The following HUNK variants were observed in gnomAD, a reference collection of about 807,000 sequenced individuals.
The protein encoded by HUNK is hormonally up-regulated Neu-associated kinase.
In HUNK, 21 loss-of-function variants were observed where a neutral mutation model predicts 61.0. The observed-to-expected ratio is 0.34, with a 90% CI of 0.24 to 0.50. The LOEUF (loss-of-function observed/expected upper bound fraction) is 0.50. HUNK is among the 20% of genes least tolerant of loss of function. The probability of loss-of-function intolerance (pLI) is 0.98; values close to 1 mark genes in which losing one functional copy is unlikely to be tolerated. For missense variants in HUNK, 772 were observed against 945.7 expected, an observed-to-expected ratio of 0.82 and a Z score of 2.41; for synonymous variants, 371 against 386.1, an observed-to-expected ratio of 0.96 and a Z score of 0.46.
intron 2 of HUNK, among the ~76,000 whole-genome samples, chr21:31,931,230 T>C (rs2052694511): frequency 6.6e-6 from 1 of 152,180 alleles, no homozygotes. Context: ...AACTTAATCC[T>C]GTCTGAGTTG....
intron 2 of HUNK, among the ~76,000 whole-genome samples, chr21:31,936,327 G>A (rs530520382): frequency 2.0e-5 from 3 of 152,350 alleles, no homozygotes; most frequent in Middle Eastern, 3.4e-3. Context: ...GGAAGAAAGT[G>A]TTCTCTCTCT....
At chr21:31,967,561 C>A (rs1387909088) in intron 5 of HUNK, among the ~76,000 whole-genome samples, 2 of 151,994 alleles carry the variant, frequency 1.3e-5, no homozygotes, top group African/African-American at 4.8e-5. Flanking sequence ...AAACCCAGGG[C>A]ATTTAAAACA....
chr21:31,976,393 A>G (rs1344089089), intron 7 of HUNK, among the ~76,000 whole-genome samples: 1 of 151,716 alleles, frequency 6.6e-6, no homozygotes, highest in East Asian at 1.9e-4. Flanking sequence ...CACAAGGAAC[A>G]TAAAAGACAT....
At position 31,899,130 on chromosome 21, in the gene HUNK, A is replaced by AC. The variant is rs1238728831; in HGVS notation, c.261+25196dup. ...ATTTAACAAGTCGAGGCTGGCAACG[A>AC]CTTCCTGCTGCACTGATTTTACTTA... On this transcript the variant is annotated intron_variant, in intron 1 of 10. Transcript: ENST00000270112. Among the ~76,000 whole-genome samples the AC allele has an allele frequency of 2.9e-5, 4 of 140,308 alleles. No homozygotes were observed. The Admixed American group carries it at 3.2e-4, about 11-fold the overall frequency. 92.0% of individuals were successfully genotyped at this position (140,308 alleles called of 152,430 possible). A position where few individuals can be genotyped will look rare whatever the true frequency, so the allele number is the denominator to read the frequency against.
chr21:31,959,555 T>C (rs1181292940), intron 5 of HUNK, among the ~76,000 whole-genome samples: 1 of 152,218 alleles, frequency 6.6e-6, no homozygotes, highest in Non-Finnish European at 1.5e-5. Flanking sequence ...AAACAGTTTG[T>C]ATTAAGGTTT....
intron 2 of HUNK, among the ~76,000 whole-genome samples, chr21:31,937,748 C>A (rs2052741737): frequency 6.6e-6 from 1 of 152,180 alleles, no homozygotes; most frequent in Non-Finnish European, 1.5e-5. Flanking sequence ...TATCAACAGT[C>A]ATTTAATAAT....
At chr21:31,975,680 G>T (rs747792554) in intron 7 of HUNK, among the ~76,000 whole-genome samples, 1 of 152,162 alleles carries the variant, frequency 6.6e-6, no homozygotes, top group Admixed American at 6.5e-5. Context: ...TTGAAGTCAC[G>T]TGATAGCCCA....
intron 1 of HUNK, among the ~76,000 whole-genome samples, chr21:31,910,089 C>A (rs1306942413): frequency 1.3e-5 from 2 of 152,220 alleles, no homozygotes; most frequent in African/African-American, 4.8e-5. Flanking sequence ...GCAAGCCATT[C>A]TGTTATTACT....
intron 6 of HUNK, 144 bp downstream of exon 6, chr21:31,968,529 C>A: frequency 1.1e-6 from 1 of 885,736 alleles, no homozygotes; most frequent in Non-Finnish European, 1.7e-6. Context: ...CTAACACCCA[C>A]ACCCACACAT....
intron 1 of HUNK, among the ~76,000 whole-genome samples, chr21:31,907,827 T>C (rs2052516974): frequency 6.6e-6 from 1 of 151,872 alleles, no homozygotes; most frequent in African/African-American, 2.4e-5. Context: ...TTGTCTCTAC[T>C]AAAAATACAA....
chr21:31,971,866 T>C (rs2053013797), intron 6 of HUNK, among the ~76,000 whole-genome samples: 1 of 148,028 alleles, frequency 6.8e-6, no homozygotes, highest in African/African-American at 2.5e-5. Flanking sequence ...TCTTCCTTCA[T>C]AGCCCAGGCT....
intron 4 of HUNK, among the ~76,000 whole-genome samples, chr21:31,950,112 G>A (rs1003405331): frequency 3.3e-5 from 5 of 152,262 alleles, no homozygotes; most frequent in African/African-American, 1.2e-4. Flanking sequence ...TCCTCTGGTG[G>A]GGTTTACATG....
At chr21:31,959,219 T>G (rs1157754319) in intron 5 of HUNK, among the ~76,000 whole-genome samples, 1 of 152,176 alleles carries the variant, frequency 6.6e-6, no homozygotes, top group Non-Finnish European at 1.5e-5. Flanking sequence ...TCCTTCCTCC[T>G]TCTGCACAAA....
intron 10 of HUNK, among the ~76,000 whole-genome samples, chr21:31,998,158 G>A (rs1391219164): frequency 1.3e-5 from 2 of 152,140 alleles, no homozygotes; most frequent in Admixed American, 6.5e-5. Context: ...GGCTCAAGCA[G>A]TCCTCCCACC....
At chr21:31,888,465 C>T (rs2052363673) in intron 1 of HUNK, among the ~76,000 whole-genome samples, 1 of 110 alleles carries the variant, frequency 9.1e-3, no homozygotes, top group South Asian at 0.5. Context: ...AGGCTGGACG[C>T]AGTGCTCACG....
intron 1 of HUNK, among the ~76,000 whole-genome samples, chr21:31,888,818 G>GTA (rs952112256): frequency 4.0e-5 from 6 of 151,320 alleles, no homozygotes; most frequent in East Asian, 1.9e-4. Flanking sequence ...ATGTATGTGT[G>GTA]TATATATATA....
Position 31,924,881 on chromosome 21 carries a change from A to G in HUNK, c.554+121A>G, listed in dbSNP as rs950173820. 5 of 758,026 alleles carry G rather than the reference A, an allele frequency of 6.6e-6. No individual in the cohort carries two copies. The highest frequency in any genetic ancestry group is 3.5e-5 in the African/African-American group (2 of 56,524). The allele number at this position is 758,026 out of a possible 1,614,324, so 47.0% of individuals were successfully genotyped here. A position where few individuals can be genotyped will look rare whatever the true frequency, so the allele number is the denominator to read the frequency against. On this transcript the variant is annotated intron_variant, in intron 2 of 10. Coordinates refer to ENST00000270112, the MANE Select transcript of HUNK (RefSeq NM_014586.2). This position sits in a 1 kb window ranked among gnomAD's most constrained non-coding sequence, Gnocchi z 5.1. ...TTGCAGCCTGTTTTACAATTTGTCT[A>G]TATTTTAATTTTATTTATTTGTTTA...
intron 1 of HUNK, among the ~76,000 whole-genome samples, chr21:31,898,098 C>A (rs979348177): frequency 1.3e-5 from 2 of 152,082 alleles, no homozygotes; most frequent in African/African-American, 4.8e-5. Context: ...AGGTGCAAGA[C>A]CCCCCGCTGG....
chr21:31,894,111 G>A (rs1285502543), intron 1 of HUNK, among the ~76,000 whole-genome samples: 1 of 152,148 alleles, frequency 6.6e-6, no homozygotes, highest in East Asian at 1.9e-4. Context: ...ATTGCTTCCT[G>A]TTGCCTGTGG....
Sources: gnomAD v4.1 joint callset for allele counts (sites outside exome capture counted in the v4.1 genomes callset) on GRCh38, gnomAD v4.1.1 for gene constraint, Gnocchi (gnomAD v3.1) non-coding constraint, MANE v1.5 for transcripts, NCBI Gene and HGNC (gene_info 2026-07-23, HGNC 2026-07-21) for gene names.